The following PLSCR2 variants were observed in gnomAD, a reference collection of about 807,000 sequenced individuals.
PLSCR2 encodes PL scramblase 2.
PLSCR2 carries 18 observed loss-of-function variants against 25.3 expected under a neutral mutation model. That is an observed-to-expected ratio of 0.71 (90% CI 0.49 to 1.06). The LOEUF is 1.06. Among genes scored for constraint, PLSCR2 ranks in the 50% least tolerant of loss-of-function variants. The pLI is 0.00. For synonymous variants in PLSCR2, 88 were observed against 87.3 expected, an observed-to-expected ratio of 1.01 and a Z score of -0.04; for missense variants, 243 against 269.5, an observed-to-expected ratio of 0.90 and a Z score of 0.69.
chr3:146,437,237 C>CT (rs2039922812), downstream of PLSCR2, among the ~76,000 whole-genome samples: 1 of 151,958 alleles, frequency 6.6e-6, no homozygotes, highest in African/African-American at 2.4e-5. Context: ...CTAAAATTCT[C>CT]TTTTTTTGTT....
intron 3 of PLSCR2, among the ~76,000 whole-genome samples, chr3:146,393,811 A>AAAAAG: frequency 6.6e-6 from 1 of 151,474 alleles, no homozygotes; most frequent in East Asian, 1.9e-4. Flanking sequence ...TCCGTCTCAA[A>AAAAAG]AAAAAAAAAA....
chr3:146,461,527 T>C (rs544775985), upstream of PLSCR2, among the ~76,000 whole-genome samples: 4 of 152,050 alleles, frequency 2.6e-5, no homozygotes, highest in Admixed American at 2.6e-4. Flanking sequence ...ATTGGTATGA[T>C]GGGGAAAACA....
intron 6 of PLSCR2, among the ~76,000 whole-genome samples, chr3:146,445,889 C>A (rs1261751065): frequency 6.6e-6 from 1 of 151,738 alleles, no homozygotes; most frequent in African/African-American, 2.4e-5. Flanking sequence ...GTCTTTAAGC[C>A]CACTCATTAT....
At chr3:146,443,244 CTTTG>C (rs1261928645) in intron 6 of PLSCR2, among the ~76,000 whole-genome samples, 6 of 151,760 alleles carry the variant, frequency 4.0e-5, no homozygotes, top group African/African-American at 1.2e-4. Context: ...TTAAATATGT[CTTTG>C]TTTGGTTTTG....
At position 146,480,276 on chromosome 3, in the gene PLSCR2, C is replaced by CA. The variant is rs562352877; in HGVS notation, c.-293+15618dup. 3.8e-3 allele frequency among the ~76,000 whole-genome samples: 577 copies of CA among 151,988 alleles called. 1 individual carries two copies. Among genetic ancestry groups the CA allele is most frequent in the African/African-American group, 0.013 (550 of 41,456 alleles). ...GGAGATAGAGACACAAAAAACCCTTCAAAAAATCAATGAATCCAGGATCTG... is the reference window on the plus strand; with the variant it reads ...GGAGATAGAGACACAAAAAACCCTTCAAAAAAATCAATGAATCCAGGATCTG... On this transcript the variant is annotated intron_variant, in intron 1 of 8. Coordinates refer to the PLSCR2 transcript ENST00000336685.
At chr3:146,476,429 G>T (rs2042288000) in intron 1 of PLSCR2, among the ~76,000 whole-genome samples, 1 of 152,174 alleles carries the variant, frequency 6.6e-6, no homozygotes, top group Non-Finnish European at 1.5e-5. Flanking sequence ...ATGCTACCAG[G>T]GCCTTGGGTC....
At chr3:146,462,486 A>G (rs2041648994), upstream of PLSCR2, among the ~76,000 whole-genome samples, 1 of 140,372 alleles carries the variant, frequency 7.1e-6, no homozygotes, top group Non-Finnish European at 1.5e-5. Flanking sequence ...TTTTTTGGAG[A>G]TGGAGTCTCC....
At chr3:146,421,134 T>C (rs1401186436) in intron 2 of PLSCR2, among the ~76,000 whole-genome samples, 2 of 152,022 alleles carry the variant, frequency 1.3e-5, no homozygotes, top group African/African-American at 4.8e-5. Context: ...TGTACATATA[T>C]ATTTTACAGA....
intron 2 of PLSCR2, among the ~76,000 whole-genome samples, chr3:146,426,810 A>G (rs574220663): frequency 1.2e-3 from 188 of 152,314 alleles, no homozygotes; most frequent in African/African-American, 4.3e-3. Context: ...AAATGGTAGT[A>G]AAAATCTAGT....
At chr3:146,406,140 A>G (rs914252319) in intron 2 of PLSCR2, among the ~76,000 whole-genome samples, 2 of 152,250 alleles carry the variant, frequency 1.3e-5, no homozygotes, top group African/African-American at 4.8e-5. Context: ...TACATAATTT[A>G]GGATGAGAAG....
chr3:146,441,903 AAC>A, intron 6 of PLSCR2, 82 bp from the exon 7 acceptor site: 1 of 839,690 alleles, frequency 1.2e-6, no homozygotes, highest in Non-Finnish European at 2.0e-6. Context: ...GATCTGATGA[AAC>A]ACAGTTAATT....
At chr3:146,437,420 T>C (rs765520726), downstream of PLSCR2, among the ~76,000 whole-genome samples, 4 of 152,196 alleles carry the variant, frequency 2.6e-5, no homozygotes, top group Non-Finnish European at 5.9e-5. Context: ...TTTTGGTTGG[T>C]AGGCTATTAA....
At chr3:146,458,863 A>AT (rs2041381815) in intron 2 of PLSCR2, among the ~76,000 whole-genome samples, 1 of 152,058 alleles carries the variant, frequency 6.6e-6, no homozygotes, top group South Asian at 2.1e-4. Context: ...TCTTCTATAT[A>AT]TTTTTGAGAC....
chr3:146,422,174 T>A (rs2039175472), intron 2 of PLSCR2, among the ~76,000 whole-genome samples: 1 of 152,070 alleles, frequency 6.6e-6, no homozygotes, highest in African/African-American at 2.4e-5. Flanking sequence ...TTCATTCACA[T>A]CATTCATGCC....
intron 2 of PLSCR2, among the ~76,000 whole-genome samples, chr3:146,416,218 A>G (rs1486987949): frequency 1.3e-5 from 2 of 152,150 alleles, no homozygotes; most frequent in African/African-American, 4.8e-5. Flanking sequence ...CCAAAGTGCT[A>G]GGATTACAGG....
chr3:146,485,945 T>A (rs567251390), intron 1 of PLSCR2, among the ~76,000 whole-genome samples: 2 of 152,156 alleles, frequency 1.3e-5, no homozygotes, highest in South Asian at 4.1e-4. Context: ...TTCACTATCA[T>A]GAGAACAGCA....
chr3:146,410,225 T>C (rs541353153), intron 2 of PLSCR2, among the ~76,000 whole-genome samples: 1 of 152,166 alleles, frequency 6.6e-6, no homozygotes, highest in African/African-American at 2.4e-5. Flanking sequence ...GGATCATCCT[T>C]AAGATGAGAG....
chr3:146,399,047 T>C (rs945706723), intron 2 of PLSCR2, among the ~76,000 whole-genome samples: 2 of 151,866 alleles, frequency 1.3e-5, no homozygotes, highest in Non-Finnish European at 3.0e-5. Context: ...CTGCTTGAAA[T>C]GTGAACAAAT....
At chr3:146,472,749 C>T (rs1321436514) in intron 1 of PLSCR2, among the ~76,000 whole-genome samples, 6 of 152,158 alleles carry the variant, frequency 3.9e-5, no homozygotes, top group African/African-American at 1.4e-4. Flanking sequence ...TGGACACAAA[C>T]ATTCAGACAA....
Sources: allele counts gnomAD v4.1 joint callset (sites outside exome capture counted in the v4.1 genomes callset), GRCh38; gene constraint gnomAD v4.1.1; transcripts MANE v1.5; gene names NCBI Gene and HGNC (gene_info 2026-07-23, HGNC 2026-07-21).